The following SPAG16 variants were observed in gnomAD, a reference collection of about 807,000 sequenced individuals.
The protein encoded by SPAG16 is sperm associated antigen 16.
Under a neutral mutation model 80.4 loss-of-function variants are expected in SPAG16, and 86 were observed. That is an observed-to-expected ratio of 1.07 (90% CI 0.90 to 1.28). The LOEUF (loss-of-function observed/expected upper bound fraction) is 1.28, where lower values mean the gene tolerates loss of function less well. Among genes scored for constraint, SPAG16 ranks in the 50% most tolerant of loss-of-function variants. SPAG16 has a pLI of 0.00. For missense variants in SPAG16, 870 were observed against 765.3 expected, an observed-to-expected ratio of 1.14 and a Z score of -1.61; for synonymous variants, 294 against 265.9, an observed-to-expected ratio of 1.11 and a Z score of -1.03.
At chr2:213,402,473 C>T (rs969774599) in intron 9 of SPAG16, among the ~76,000 whole-genome samples, 3 of 151,804 alleles carry the variant, frequency 2.0e-5, no homozygotes, top group African/African-American at 4.8e-5. Flanking sequence ...ATGTGCACAA[C>T]GTGCAGGTTT....
At chr2:213,947,910 T>C (rs2079545047) in intron 12 of SPAG16, among the ~76,000 whole-genome samples, 2 of 152,146 alleles carry the variant, frequency 1.3e-5, no homozygotes, top group Admixed American at 6.5e-5. Context: ...CTTTCAAAAT[T>C]GTTTTGACTG....
chr2:213,803,525 C>A (rs2071546864), intron 10 of SPAG16, among the ~76,000 whole-genome samples: 1 of 151,960 alleles, frequency 6.6e-6, no homozygotes, highest in Non-Finnish European at 1.5e-5. Flanking sequence ...TCAAAGCCTC[C>A]AGATAGATTT....
At chr2:213,460,803 A>G (rs1292768090) in intron 9 of SPAG16, among the ~76,000 whole-genome samples, 1 of 152,190 alleles carries the variant, frequency 6.6e-6, no homozygotes, top group Non-Finnish European at 1.5e-5. Context: ...TTTTAGAGCC[A>G]CTAAATCTTT....
intron 15 of SPAG16, among the ~76,000 whole-genome samples, chr2:214,199,715 T>C (rs2057954263): frequency 6.6e-6 from 1 of 152,138 alleles, no homozygotes; most frequent in Admixed American, 6.6e-5. Context: ...CACAATATTG[T>C]ATCTTCCCAT....
chr2:213,536,413 C>A (rs1475647395), intron 10 of SPAG16, among the ~76,000 whole-genome samples: 1 of 152,140 alleles, frequency 6.6e-6, no homozygotes, highest in Admixed American at 6.5e-5. Flanking sequence ...CACTGACTTC[C>A]ACAAGGGTTG....
chr2:213,371,181 G>T (rs11684890), intron 8 of SPAG16, among the ~76,000 whole-genome samples: 2 of 151,914 alleles, frequency 1.3e-5, no homozygotes, highest in African/African-American at 4.8e-5. Context: ...AGCCGACGCA[G>T]GCGGATCACG....
chr2:213,366,918 C>A (rs191147382), intron 8 of SPAG16, among the ~76,000 whole-genome samples: 52 of 152,192 alleles, frequency 3.4e-4, no homozygotes, highest in Non-Finnish European at 5.4e-4. Flanking sequence ...GATATATCTC[C>A]TAATGGTATC....
At chr2:213,424,204 G>A (rs567123942) in intron 9 of SPAG16, among the ~76,000 whole-genome samples, 1 of 152,184 alleles carries the variant, frequency 6.6e-6, no homozygotes, top group Non-Finnish European at 1.5e-5. Context: ...GGAATCAAAT[G>A]TTAGGCAGAT....
intron 15 of SPAG16, among the ~76,000 whole-genome samples, chr2:214,396,473 A>T (rs934485452): frequency 6.6e-6 from 1 of 152,094 alleles, no homozygotes; most frequent in African/African-American, 2.4e-5. Flanking sequence ...TGTAATTAAT[A>T]TTTTTTAATG....
chr2:214,311,012 T>G (rs1299925275), intron 15 of SPAG16, among the ~76,000 whole-genome samples: 1 of 152,194 alleles, frequency 6.6e-6, no homozygotes, highest in African/African-American at 2.4e-5. Flanking sequence ...GGAGGACACT[T>G]ACGGCAACCT....
chr2:213,959,057 T>C (rs2044287234), intron 12 of SPAG16, among the ~76,000 whole-genome samples: 1 of 152,220 alleles, frequency 6.6e-6, no homozygotes, highest in Non-Finnish European at 1.5e-5. Flanking sequence ...TTGTTTTTCC[T>C]TTTAGCTCTT....
In SPAG16 at chr2:213,364,118, C is replaced by T; in HGVS notation, c.805C>T (p.His269Tyr). 2 of 1,524,046 alleles carry T rather than the reference C, an allele frequency of 1.3e-6. No individual in the cohort carries two copies. The highest frequency in any genetic ancestry group is 1.3e-5 in the South Asian group (1 of 74,760). 94.4% of individuals were successfully genotyped at this position (1,524,046 alleles called of 1,614,324 possible). Residue 269 changes from histidine (H) to tyrosine (Y), a missense_variant, in exon 8 of 16, where the codon CAT becomes TAT. Physicochemically the swap from His to Tyr is moderately conservative, Grantham distance 83. Transcript: ENST00000331683. The part of the protein sequence containing the change: ...QETLKKLQRG[H>Y]SYHGPQIKVD... ...AACATTGAAGAAACTGCAAAGAGGA[C>T]ATAGTTACCATGGTCCTCAAATTAA... is the stretch of plus-strand genomic sequence containing the variant.
chr2:214,186,096 T>C (rs1283922143), intron 15 of SPAG16, among the ~76,000 whole-genome samples: 1 of 152,000 alleles, frequency 6.6e-6, no homozygotes, highest in Non-Finnish European at 1.5e-5. Context: ...GAGCTGAAAA[T>C]TAAATGATTC....
intron 15 of SPAG16, among the ~76,000 whole-genome samples, chr2:214,184,871 A>C (rs2057418683): frequency 6.6e-6 from 1 of 152,160 alleles, no homozygotes; most frequent in African/African-American, 2.4e-5. Flanking sequence ...TTTAATTTCA[A>C]AATAAAGTCT....
intron 10 of SPAG16, among the ~76,000 whole-genome samples, chr2:213,548,684 A>G (rs1336398274): frequency 6.6e-6 from 1 of 151,588 alleles, no homozygotes; most frequent in African/African-American, 2.4e-5. Flanking sequence ...TGTTTTCTCC[A>G]TTTTTCTTTT....
intron 14 of SPAG16, among the ~76,000 whole-genome samples, chr2:214,144,546 A>C (rs2055535177): frequency 6.6e-6 from 1 of 152,178 alleles, no homozygotes; most frequent in African/African-American, 2.4e-5. Flanking sequence ...ACTGCTAAAC[A>C]AACAAAACAA....
chr2:213,982,897 G>A (rs1190486781), intron 12 of SPAG16, among the ~76,000 whole-genome samples: 8 of 151,948 alleles, frequency 5.3e-5, no homozygotes, highest in Non-Finnish European at 7.4e-5. Context: ...TAGTTTAATA[G>A]CATTGCAATT....
chr2:213,531,043 A>G (rs1344914491), intron 10 of SPAG16, among the ~76,000 whole-genome samples: 1 of 152,092 alleles, frequency 6.6e-6, no homozygotes, highest in Non-Finnish European at 1.5e-5. Flanking sequence ...CTCTTGAGCT[A>G]TATCCTTTTA....
At chr2:213,633,970 T>C (rs2062258845) in intron 10 of SPAG16, among the ~76,000 whole-genome samples, 1 of 152,166 alleles carries the variant, frequency 6.6e-6, no homozygotes, top group Non-Finnish European at 1.5e-5. Flanking sequence ...TGTTTTGTCA[T>C]CCATTCAGCC....
Sources: gnomAD v4.1 joint callset for allele counts (sites outside exome capture counted in the v4.1 genomes callset) on GRCh38, gnomAD v4.1.1 for gene constraint, MANE v1.5 for transcripts, NCBI Gene and HGNC (gene_info 2026-07-23, HGNC 2026-07-21) for gene names.